GSE1: variants seen among roughly 807,000 people sequenced by gnomAD.
GSE1 encodes genetic suppressor element 1.
A neutral mutation model predicts 112.6 loss-of-function variants in GSE1; 32 were observed. The ratio of observed to expected loss-of-function variants is 0.28; its 90% CI spans 0.21 to 0.38. GSE1 has a LOEUF of 0.38. Ranked by LOEUF, GSE1 falls within the 10% of genes least tolerant of loss-of-function variation. GSE1 has a pLI of 1.00. For synonymous variants in GSE1, 1,115 were observed against 735.6 expected, an observed-to-expected ratio of 1.52 and a Z score of -8.35; for missense variants, 2,348 against 1,699.2, an observed-to-expected ratio of 1.38 and a Z score of -6.71.
At chr16:85,251,805 C>G (rs1448214444) in intron 1 of GSE1, among the ~76,000 whole-genome samples, 2 of 152,216 alleles carry the variant, frequency 1.3e-5, no homozygotes, top group African/African-American at 2.4e-5. Context: ...TGGACTGGCA[C>G]CCGGCTCCTG....
At chr16:85,362,597 G>A (rs1425904803) in intron 2 of GSE1, among the ~76,000 whole-genome samples, 2 of 152,220 alleles carry the variant, frequency 1.3e-5, no homozygotes, top group Admixed American at 6.5e-5. Context: ...CGTGGTGTCA[G>A]TGACATTGGA....
chr16:85,207,120 C>G (rs2075132198), intron 1 of GSE1, among the ~76,000 whole-genome samples: 1 of 152,172 alleles, frequency 6.6e-6, no homozygotes, highest in African/African-American at 2.4e-5. Context: ...GGCGTCTGCA[C>G]TTGCCTGCCT....
chr16:85,312,153 G>A (rs1264409904), intron 1 of GSE1, among the ~76,000 whole-genome samples: 5 of 138,106 alleles, frequency 3.6e-5, no homozygotes, highest in South Asian at 2.2e-4. Context: ...CCTCCCGTGT[G>A]CCCAGCTCAG....
At chr16:85,666,726 G>A (rs986155808) in intron 13 of GSE1, 1 of 242,016 alleles carries the variant, frequency 4.1e-6, no homozygotes, top group African/African-American at 2.3e-5. Context: ...AAAGAATCAT[G>A]TTTTTCAAGA....
At chr16:85,638,285 G>A (rs957787841) in intron 2 of GSE1, among the ~76,000 whole-genome samples, 1 of 152,196 alleles carries the variant, frequency 6.6e-6, no homozygotes, top group Non-Finnish European at 1.5e-5. Flanking sequence ...GCCCTCGCTG[G>A]GATTTATTTT....
intron 9 of GSE1, chr16:85,662,276 G>C (rs2052498653): frequency 6.4e-6 from 1 of 155,524 alleles, no homozygotes; most frequent in Non-Finnish European, 1.4e-5. Flanking sequence ...TCAGCCAGCG[G>C]CTCCCTGAGT....
At chr16:85,278,718 C>CT (rs1242111378) in intron 1 of GSE1, 1 of 152,300 alleles carries the variant, frequency 6.6e-6, no homozygotes, top group African/African-American at 2.4e-5. Context: ...TCAAGAGAAA[C>CT]TATTTCTTAA....
chr16:85,249,629 G>A (rs1384574859), intron 1 of GSE1, among the ~76,000 whole-genome samples: 2 of 152,198 alleles, frequency 1.3e-5, no homozygotes, highest in African/African-American at 4.8e-5. Context: ...TTCCCGCCAG[G>A]ACACTGGGGG....
chr16:85,396,445 AC>A, intron 2 of GSE1, among the ~76,000 whole-genome samples: 1 of 151,660 alleles, frequency 6.6e-6, no homozygotes, highest in African/African-American at 2.4e-5. Context: ...CACCCCTTCC[AC>A]CTCCCCAGCA....
chr16:85,242,844 C>T (rs1417629680), intron 1 of GSE1, among the ~76,000 whole-genome samples: 1 of 152,124 alleles, frequency 6.6e-6, no homozygotes, highest in East Asian at 1.9e-4. Context: ...CAAGGTCTTG[C>T]TCTGTCATCT....
intron 2 of GSE1, among the ~76,000 whole-genome samples, chr16:85,481,119 C>T (rs2050668769): frequency 6.6e-6 from 1 of 152,250 alleles, no homozygotes; most frequent in Non-Finnish European, 1.5e-5. Flanking sequence ...ACAGCCACGC[C>T]TCGCTTCTCT....
At chr16:85,349,438 G>A (rs992986773) in intron 1 of GSE1, among the ~76,000 whole-genome samples, 1 of 152,192 alleles carries the variant, frequency 6.6e-6, no homozygotes, top group South Asian at 2.1e-4. Flanking sequence ...GACAGCGGGA[G>A]AAGAGGGCTC....
chr16:85,635,025 G>A (rs1055641957), intron 2 of GSE1, among the ~76,000 whole-genome samples: 46 of 152,158 alleles, frequency 3.0e-4, no homozygotes, highest in Admixed American at 6.5e-5. Flanking sequence ...GTTAAGATCC[G>A]GGTGCCAGGG....
intron 1 of GSE1, among the ~76,000 whole-genome samples, chr16:85,260,240 C>G (rs1304708376): frequency 6.6e-6 from 1 of 152,152 alleles, no homozygotes; most frequent in African/African-American, 2.4e-5. Context: ...TTGGGTCACA[C>G]CACGGCTTTA....
chr16:85,653,973 C>T, intron 3 of GSE1, among the ~76,000 whole-genome samples: 1 of 152,158 alleles, frequency 6.6e-6, no homozygotes, highest in East Asian at 1.9e-4. Flanking sequence ...ACCCTGCATC[C>T]TTCACCTGCA....
At chr16:85,521,025 C>T (rs1158195730) in intron 2 of GSE1, among the ~76,000 whole-genome samples, 1 of 152,100 alleles carries the variant, frequency 6.6e-6, no homozygotes, top group Non-Finnish European at 1.5e-5. Context: ...GTTGAGGAGC[C>T]TTTGGGAGCC....
At chr16:85,641,423 G>GCC (rs61178619) in intron 2 of GSE1, among the ~76,000 whole-genome samples, 12,086 of 149,458 alleles carry the variant, frequency 0.081, 641 homozygotes, top group Middle Eastern at 0.11. Flanking sequence ...ACTGGCTGAC[G>GCC]CCCCCCCCCG....
intron 2 of GSE1, among the ~76,000 whole-genome samples, chr16:85,464,800 G>A (rs938877905): frequency 2.6e-5 from 4 of 152,220 alleles, no homozygotes; most frequent in Admixed American, 6.5e-5. Context: ...TAGTGAGGCC[G>A]GGAGGAGGAT....
At chr16:85,570,779 G>C (rs185837514) in intron 1 of GSE1, among the ~76,000 whole-genome samples, 3 of 152,360 alleles carry the variant, frequency 2.0e-5, no homozygotes, top group African/African-American at 7.2e-5. Context: ...GAGGGGCTGA[G>C]GGGGAGGGTG....
Sources: allele counts gnomAD v4.1 joint callset (sites outside exome capture counted in the v4.1 genomes callset), GRCh38; gene constraint gnomAD v4.1.1; transcripts MANE v1.5; gene names NCBI Gene and HGNC (gene_info 2026-07-23, HGNC 2026-07-21).